The following LRCH2 variants were observed in gnomAD, a reference collection of about 807,000 sequenced individuals.
LRCH2 encodes the protein leucine rich repeats and calponin homology domain containing 2.
Under a neutral mutation model 68.9 loss-of-function variants are expected in LRCH2, and 38 were observed. The ratio of observed to expected loss-of-function variants is 0.55; its 90% CI spans 0.43 to 0.72. LRCH2 has a LOEUF of 0.72. Among genes scored for constraint, LRCH2 ranks in the 30% least tolerant of loss-of-function variants. The pLI, the probability that LRCH2 is intolerant of heterozygous loss-of-function variation, is 0.00. For missense variants in LRCH2, 528 were observed against 572.9 expected, an observed-to-expected ratio of 0.92 and a Z score of 0.80; for synonymous variants, 191 against 208.1, an observed-to-expected ratio of 0.92 and a Z score of 0.71.
intron 1 of LRCH2, among the ~76,000 whole-genome samples, chrX:115,214,864 G>A (rs1240727215): frequency 8.9e-6 from 1 of 111,948 alleles, no homozygotes; most frequent in Non-Finnish European, 1.9e-5. Context: ...TTTAAAAGAA[G>A]AGGGAGGGGC....
At chrX:115,121,522 G>C (rs1241560636) in intron 20 of LRCH2, among the ~76,000 whole-genome samples, 3 of 111,285 alleles carry the variant, frequency 2.7e-5, no homozygotes, top group Non-Finnish European at 5.7e-5. Context: ...GTAGTGGCAT[G>C]TGCCTGTAGT....
chrX:115,114,567 A>C (rs2072067365), intron 20 of LRCH2, among the ~76,000 whole-genome samples: 1 of 111,242 alleles, frequency 9.0e-6, no homozygotes, highest in African/African-American at 3.2e-5. Flanking sequence ...TAGTTCATTT[A>C]GAAGATTTTT....
At chrX:115,202,294 C>T (rs2072935977) in intron 1 of LRCH2, among the ~76,000 whole-genome samples, 1 of 111,659 alleles carries the variant, frequency 9.0e-6, no homozygotes, top group Non-Finnish European at 1.9e-5. Context: ...TTGTCACTCA[C>T]TCATTTTTTA....
Position 115,218,232 on chromosome X carries a change from T to C in LRCH2, c.349+15461A>G, listed in dbSNP as rs1379988889. ...AAAAAAACCCCTAATATCTGAATTG[T>C]TATGATTATTCTGATTAATGAAGTA... On this transcript the variant is annotated intron_variant, in intron 1 of 20. Transcript: ENST00000317135. Among the ~76,000 whole-genome samples the C allele has an allele frequency of 2.7e-5, 3 of 112,311 alleles. No individual in the cohort carries two copies. In the Admixed American group the frequency reaches 2.8e-4, roughly 11 times the overall value.
At position 115,192,438 on chromosome X, in the gene LRCH2, C is replaced by T. The variant is rs782304143; in HGVS notation, c.350-4068G>A. The stretch of plus-strand genomic sequence containing the variant: ...CTGACGCCTACAGCGGCGACCACGA[C>T]AGATCCAGCAACAGTTACGGCCGGA... On this transcript the variant is annotated intron_variant, in intron 1 of 20. Transcript: ENST00000317135. 132 of 1,167,035 alleles carry T rather than the reference C, an allele frequency of 1.1e-4. No homozygotes were observed. The African/African-American group carries it at 2.0e-3, about 18-fold the overall frequency.
At chrX:115,173,400 T>C (rs1168174678) in intron 5 of LRCH2, among the ~76,000 whole-genome samples, 6 of 111,226 alleles carry the variant, frequency 5.4e-5, no homozygotes, top group African/African-American at 2.0e-4. Flanking sequence ...ACCCCTCGAG[T>C]AGAGAGCAAT....
Position 115,147,929 on chromosome X carries a change from G to A in LRCH2, c.1695+1898C>T, listed in dbSNP as rs2072400600. On this transcript the variant is annotated intron_variant, in intron 14 of 20. Coordinates refer to ENST00000317135, the MANE Select transcript of LRCH2 (RefSeq NM_020871.4). ...TTGTAGGGCACTGGGGGACATACCTGTAGTTCTAGCTACTGGGGAGGCTGA... is the reference window on the plus strand; with the variant it reads ...TTGTAGGGCACTGGGGGACATACCTATAGTTCTAGCTACTGGGGAGGCTGA... Among the ~76,000 whole-genome samples, 3 of 111,075 alleles carry A rather than the reference G, an allele frequency of 2.7e-5. No homozygotes were observed. In the South Asian group the frequency reaches 1.1e-3, roughly 42 times the overall value.
chrX:115,113,415 A>C, intron 20 of LRCH2, 80 bp from the exon 21 acceptor site: 2 of 780,388 alleles, frequency 2.6e-6, no homozygotes, highest in Non-Finnish European at 3.5e-6. Context: ...TTTTAAAAAC[A>C]TGATTTCTAT....
At chrX:115,226,059 T>C (rs781896068) in intron 1 of LRCH2, among the ~76,000 whole-genome samples, 1 of 111,368 alleles carries the variant, frequency 9.0e-6, no homozygotes, top group Non-Finnish European at 1.9e-5. Context: ...TTCAAGTATA[T>C]ACACAAGAGA....
chrX:115,231,901 T>C (rs2073155078), intron 1 of LRCH2, among the ~76,000 whole-genome samples: 2 of 111,386 alleles, frequency 1.8e-5, no homozygotes, highest in African/African-American at 3.3e-5. Context: ...GTAAAGACAA[T>C]AAGTACCATG....
chrX:115,218,923 C>T (rs1045327694), intron 1 of LRCH2, among the ~76,000 whole-genome samples: 1 of 112,158 alleles, frequency 8.9e-6, no homozygotes, highest in Non-Finnish European at 1.9e-5. Flanking sequence ...ACCTGGACAC[C>T]CTCCACTGGC....
At chrX:115,191,480 A>G in intron 1 of LRCH2, 1 of 1,155,560 alleles carries the variant, frequency 8.7e-7, no homozygotes, top group Non-Finnish European at 1.2e-6. Context: ...CTCGATGCCA[A>G]CAGTGGAGGC....
At chrX:115,141,076 CA>C (rs782306027) in intron 14 of LRCH2, among the ~76,000 whole-genome samples, 68 of 98,137 alleles carry the variant, frequency 6.9e-4, no homozygotes, top group South Asian at 9.4e-4. Flanking sequence ...ACTAAAAATA[CA>C]AAAAAAAAAA....
chrX:115,197,847 T>TCTCACACACACA (rs782358260), intron 1 of LRCH2, among the ~76,000 whole-genome samples: 1 of 20,569 alleles, frequency 4.9e-5, no homozygotes, highest in Non-Finnish European at 8.2e-5. Context: ...TCTCTCTCTC[T>TCTCACACACACA]CACACACACA....
intron 1 of LRCH2, chrX:115,191,874 C>T (rs1556560350): frequency 3.4e-6 from 4 of 1,166,046 alleles, no homozygotes. Context: ...GGAACGACCC[C>T]TGCAGAGGAG....
intron 14 of LRCH2, among the ~76,000 whole-genome samples, chrX:115,148,999 T>C (rs1370348464): frequency 8.9e-6 from 1 of 111,743 alleles, no homozygotes; most frequent in Non-Finnish European, 1.9e-5. Flanking sequence ...ATTAGTGATA[T>C]AAACTTGAAC....
chrX:115,143,827 T>C (rs955339457), intron 14 of LRCH2, among the ~76,000 whole-genome samples: 1 of 111,960 alleles, frequency 8.9e-6, no homozygotes, highest in Non-Finnish European at 1.9e-5. Context: ...TGGTTCAACA[T>C]ATGCAAATCA....
At chrX:115,157,937 G>A (rs1556540240) in intron 11 of LRCH2, among the ~76,000 whole-genome samples, 1 of 110,092 alleles carries the variant, frequency 9.1e-6, no homozygotes, top group Non-Finnish European at 1.9e-5. Context: ...AGAAAAACAA[G>A]TTGAGATCCA....
At chrX:115,217,803 C>T (rs2073051919) in intron 1 of LRCH2, among the ~76,000 whole-genome samples, 1 of 111,781 alleles carries the variant, frequency 8.9e-6, no homozygotes, top group African/African-American at 3.3e-5. Flanking sequence ...GGAATTGCCA[C>T]ACTGTCTTCC....
Sources: allele counts gnomAD v4.1 joint callset (sites outside exome capture counted in the v4.1 genomes callset), GRCh38; gene constraint gnomAD v4.1.1; transcripts MANE v1.5; gene names NCBI Gene and HGNC (gene_info 2026-07-23, HGNC 2026-07-21).